The following MNAT1 variants were observed in gnomAD, a reference collection of about 807,000 sequenced individuals.
The protein encoded by MNAT1 is CDK-activating kinase assembly factor MAT1.
Under a neutral mutation model 42.0 loss-of-function variants are expected in MNAT1, and 43 were observed. That is an observed-to-expected ratio of 1.02 (90% CI 0.80 to 1.32). The LOEUF is 1.32. MNAT1 is among the 40% of genes most tolerant of loss of function. The pLI is 0.00. For missense variants in MNAT1, 306 were observed against 350.4 expected (o/e 0.87, Z 1.01); for synonymous variants, 118 against 120.0 (o/e 0.98, Z 0.11).
chr14:60,803,188 GC>G (rs1368389355), intron 3 of MNAT1, among the ~76,000 whole-genome samples: 10 of 151,968 alleles, frequency 6.6e-5, no homozygotes, highest in Non-Finnish European at 1.5e-4. Context: ...ACCCACCTTG[GC>G]CTCCCAAAGT....
chr14:60,941,733 G>C (rs1397111101), intron 7 of MNAT1, among the ~76,000 whole-genome samples: 1 of 150,054 alleles, frequency 6.7e-6, no homozygotes, highest in African/African-American at 2.4e-5. Flanking sequence ...GGCCGGGCGC[G>C]GTGGCTCACT....
intron 1 of MNAT1, among the ~76,000 whole-genome samples, chr14:60,765,124 G>T: frequency 6.6e-6 from 1 of 152,212 alleles, no homozygotes; most frequent in Non-Finnish European, 1.5e-5. Context: ...TGCGGCGCAT[G>T]CCTGTAATTC....
chr14:60,877,034 C>T (rs1160758702), intron 6 of MNAT1, among the ~76,000 whole-genome samples: 2 of 151,948 alleles, frequency 1.3e-5, no homozygotes, highest in Non-Finnish European at 2.9e-5. Flanking sequence ...GCAGCTATAC[C>T]GTTTTACATT....
In MNAT1 at chr14:60,798,128, A is replaced by G. The variant is rs2032080622; in HGVS notation, c.284A>G (p.Tyr95Cys). The change falls in exon 3 of 8, where the codon TAC becomes TGC. Residue 95 changes from tyrosine to cysteine, a missense_variant. Physicochemically the swap from Tyr to Cys is radical, Grantham distance 194. Around this residue, in one of 3 missense-constraint regions of MNAT1, gnomAD observed 118 missense variants for 99.8 expected, o/e 1.18. Coordinates refer to ENST00000261245, the MANE Select transcript of MNAT1 (RefSeq NM_002431.4). ...GAAGATTTTCCTAGTCTAAGAGAAT[A>G]CAATGATTTCTTGGAAGAAGTGGAA... ...REEDFPSLREYNDFLEEVEEI... is the reference protein window; with the variant it reads ...REEDFPSLRECNDFLEEVEEI... The G allele has an allele frequency of 6.5e-7, 1 of 1,527,246 alleles. No individual in the cohort carries two copies. The allele number at this position is 1,527,246 out of a possible 1,614,324, so 94.6% of individuals were successfully genotyped here.
chr14:60,856,331 A>G (rs2033958053), intron 6 of MNAT1, among the ~76,000 whole-genome samples: 1 of 152,196 alleles, frequency 6.6e-6, no homozygotes, highest in Admixed American at 6.5e-5. Context: ...GTCATACCAT[A>G]TTCCCTTAAG....
chr14:60,826,506 A>G (rs2033062039), intron 6 of MNAT1, among the ~76,000 whole-genome samples: 1 of 151,780 alleles, frequency 6.6e-6, no homozygotes, highest in Admixed American at 6.6e-5. Flanking sequence ...TTTTCAGTAG[A>G]GACGGGGTTT....
chr14:60,919,580 CT>C (rs1221745170), intron 7 of MNAT1: 1 of 152,934 alleles, frequency 6.5e-6, no homozygotes, highest in African/African-American at 2.4e-5. Flanking sequence ...TGAGGACTGT[CT>C]TCATGAACTG....
intron 1 of MNAT1, among the ~76,000 whole-genome samples, chr14:60,750,861 G>A (rs1594722854): frequency 6.6e-6 from 1 of 152,106 alleles, no homozygotes; most frequent in South Asian, 2.1e-4. Flanking sequence ...AAATGGTTTT[G>A]TCTAAAGCAG....
At chr14:60,784,726 G>A (rs1320916496) in intron 1 of MNAT1, among the ~76,000 whole-genome samples, 1 of 152,138 alleles carries the variant, frequency 6.6e-6, no homozygotes, top group Non-Finnish European at 1.5e-5. Flanking sequence ...GCTTCCCAAA[G>A]TGCTGGGATT....
chr14:60,892,342 T>TA (rs1308096989), intron 7 of MNAT1, among the ~76,000 whole-genome samples: 1 of 152,176 alleles, frequency 6.6e-6, no homozygotes, highest in Non-Finnish European at 1.5e-5. Context: ...ACTAATATGT[T>TA]ATGTTCTTTT....
chr14:60,773,480 G>A (rs2031139789), intron 1 of MNAT1, among the ~76,000 whole-genome samples: 1 of 152,092 alleles, frequency 6.6e-6, no homozygotes, highest in Non-Finnish European at 1.5e-5. Flanking sequence ...AGAAATATAA[G>A]ATTCTTGATT....
At chr14:60,747,680 T>C (rs774508043) in intron 1 of MNAT1, among the ~76,000 whole-genome samples, 3 of 152,160 alleles carry the variant, frequency 2.0e-5, no homozygotes, top group Admixed American at 6.5e-5. Context: ...ACTGTAGACA[T>C]TATAAGCCCT....
chr14:60,904,783 G>GTT (rs2035158294), intron 7 of MNAT1, among the ~76,000 whole-genome samples: 1 of 151,882 alleles, frequency 6.6e-6, no homozygotes, highest in African/African-American at 2.4e-5. Flanking sequence ...ACAATAAAAT[G>GTT]TTTTAATTTA....
intron 7 of MNAT1, among the ~76,000 whole-genome samples, chr14:60,914,463 G>C (rs1397558854): frequency 6.6e-6 from 1 of 152,072 alleles, no homozygotes; most frequent in African/African-American, 2.4e-5. Flanking sequence ...GGCCATCTTG[G>C]CTCCCCAGCT....
At chr14:60,913,327 C>T (rs1232980354) in intron 7 of MNAT1, among the ~76,000 whole-genome samples, 2 of 152,162 alleles carry the variant, frequency 1.3e-5, no homozygotes, top group East Asian at 1.9e-4. Flanking sequence ...TCTCTCAACT[C>T]GTCAAAGTCA....
intron 7 of MNAT1, among the ~76,000 whole-genome samples, chr14:60,921,578 C>T (rs956314374): frequency 6.6e-6 from 1 of 152,066 alleles, no homozygotes; most frequent in African/African-American, 2.4e-5. Flanking sequence ...GTTAGGAAGC[C>T]ACTGTTACTA....
chr14:60,903,127 G>A (rs541358992), intron 7 of MNAT1, among the ~76,000 whole-genome samples: 8 of 27,346 alleles, frequency 2.9e-4, no homozygotes, highest in Admixed American at 5.3e-4. Flanking sequence ...TATATTCGCT[G>A]TTTAAGTGTT....
At chr14:60,939,030 A>G (rs997289798) in intron 7 of MNAT1, among the ~76,000 whole-genome samples, 4 of 152,166 alleles carry the variant, frequency 2.6e-5, no homozygotes, top group African/African-American at 7.2e-5. Flanking sequence ...AGAGGTGTTT[A>G]TAGTATTCTC....
intron 7 of MNAT1, among the ~76,000 whole-genome samples, chr14:60,901,701 C>T (rs1385602482): frequency 2.0e-5 from 3 of 152,026 alleles, no homozygotes; most frequent in African/African-American, 7.3e-5. Flanking sequence ...AAGAAGTAAC[C>T]GCAAATGGGG....
Sources: allele counts gnomAD v4.1 joint callset (sites outside exome capture counted in the v4.1 genomes callset), GRCh38; gene constraint gnomAD v4.1.1; regional missense constraint gnomAD v4.1.1; transcripts MANE v1.5; gene names NCBI Gene and HGNC (gene_info 2026-07-23, HGNC 2026-07-21).